The following PHACTR1 variants were observed in gnomAD, a reference collection of about 807,000 sequenced individuals.
The protein encoded by PHACTR1 is phosphatase and actin regulator 1.
PHACTR1 carries 16 observed loss-of-function variants against 69.2 expected under a neutral mutation model. The ratio of observed to expected loss-of-function variants is 0.23; its 90% confidence interval spans 0.16 to 0.35. The LOEUF (loss-of-function observed/expected upper bound fraction) is 0.35, where lower values mean the gene tolerates loss of function less well. PHACTR1 is among the 10% of genes least tolerant of loss of function. PHACTR1 has a pLI of 1.00. For missense variants in PHACTR1, 510 were observed against 734.7 expected (o/e 0.69, Z 3.54); for synonymous variants, 312 against 284.5 (o/e 1.10, Z -0.97).
rs552962311 is a variant in PHACTR1, at chr6:13,053,332, C to T, written c.251-33C>T. ...TCCCATTTTAACACTTTTTTTCTCT[C>T]TTTGTTTTCATCTCTTTCTTGGAAA... On this transcript the variant is annotated intron_variant, in intron 4 of 14. Transcript: ENST00000332995. 45 of 1,564,130 alleles carry T rather than the reference C, an allele frequency of 2.9e-5. No homozygotes were observed. In the East Asian group the frequency reaches 3.7e-4, roughly 13 times the overall value.
chr6:12,998,613 C>CGAA (rs1797709019), intron 4 of PHACTR1, among the ~76,000 whole-genome samples: 1 of 116,530 alleles, frequency 8.6e-6, no homozygotes, highest in African/African-American at 2.9e-5. Context: ...AAGACCTGGT[C>CGAA]AAAAAAAAAA....
intron 4 of PHACTR1, among the ~76,000 whole-genome samples, chr6:12,836,605 A>T (rs1195034794): frequency 6.6e-6 from 1 of 152,186 alleles, no homozygotes; most frequent in African/African-American, 2.4e-5. Context: ...TTAATCAGGG[A>T]AGAAGAGAGA....
intron 4 of PHACTR1, among the ~76,000 whole-genome samples, chr6:12,946,077 C>G (rs1164530854): frequency 6.6e-6 from 1 of 151,462 alleles, no homozygotes; most frequent in African/African-American, 2.4e-5. Context: ...TACCAGATTT[C>G]TTTTCTTCAG....
At chr6:12,880,237 T>C (rs1782952215) in intron 4 of PHACTR1, among the ~76,000 whole-genome samples, 1 of 150,732 alleles carries the variant, frequency 6.6e-6, no homozygotes, top group Non-Finnish European at 1.5e-5. Flanking sequence ...TTTCTTTTTT[T>C]TTTTTTTTTG....
At chr6:12,754,313 G>C (rs1474975780) in intron 4 of PHACTR1, among the ~76,000 whole-genome samples, 1 of 151,944 alleles carries the variant, frequency 6.6e-6, no homozygotes, top group Non-Finnish European at 1.5e-5. Flanking sequence ...ATCTGAGATT[G>C]CTTCACCAAC....
chr6:12,787,606 G>A (rs1184780666), intron 4 of PHACTR1, among the ~76,000 whole-genome samples: 1 of 152,204 alleles, frequency 6.6e-6, no homozygotes, highest in African/African-American at 2.4e-5. Context: ...GGAAAGCTCA[G>A]TGTGGCTCTG....
intron 7 of PHACTR1, among the ~76,000 whole-genome samples, chr6:13,193,098 G>A (rs891794597): frequency 1.3e-5 from 2 of 151,720 alleles, no homozygotes; most frequent in African/African-American, 4.8e-5. Context: ...TTCTCAGGCC[G>A]TACACTAAGA....
intron 5 of PHACTR1, among the ~76,000 whole-genome samples, chr6:13,077,703 CAG>C (rs940880322): frequency 1.3e-5 from 2 of 152,032 alleles, no homozygotes; most frequent in African/African-American, 4.8e-5. Flanking sequence ...CCAACAGGAA[CAG>C]GGGGAGCCTG....
At chr6:12,881,498 G>A (rs919338786) in intron 4 of PHACTR1, among the ~76,000 whole-genome samples, 5 of 152,106 alleles carry the variant, frequency 3.3e-5, no homozygotes, top group Admixed American at 6.5e-5. Context: ...CCACTCCCTG[G>A]AATACTCTTC....
At chr6:12,982,319 T>C (rs1415466044) in intron 4 of PHACTR1, among the ~76,000 whole-genome samples, 3 of 152,228 alleles carry the variant, frequency 2.0e-5, no homozygotes, top group Non-Finnish European at 4.4e-5. Flanking sequence ...CTTAGAACCC[T>C]GTTTAGTCCT....
At chr6:13,076,519 C>T (rs572105687) in intron 5 of PHACTR1, among the ~76,000 whole-genome samples, 1 of 152,270 alleles carries the variant, frequency 6.6e-6, no homozygotes, top group South Asian at 2.1e-4. Flanking sequence ...TTCACACCAA[C>T]ATTTGGTCTT....
chr6:12,736,169 T>C (rs1764230463), intron 3 of PHACTR1, among the ~76,000 whole-genome samples: 2 of 152,330 alleles, frequency 1.3e-5, no homozygotes, highest in South Asian at 4.1e-4. Context: ...TCCAAAAAAC[T>C]TTTTGGTATA....
intron 4 of PHACTR1, among the ~76,000 whole-genome samples, chr6:12,921,970 A>G (rs1455439517): frequency 6.6e-6 from 1 of 152,204 alleles, no homozygotes; most frequent in Non-Finnish European, 1.5e-5. Context: ...CATTCTCCAC[A>G]TCTGCAAATA....
At position 12,834,745 on chromosome 6, in the gene PHACTR1, C is replaced by T. The variant is rs574782643; in HGVS notation, c.250+84955C>T. On this transcript the variant is annotated intron_variant, in intron 4 of 14. Transcript: ENST00000332995. ...ATAAAAACAAAACTCAGAGTGTGTA[C>T]GTCCAAATAAATATTTCTCTCAATA... Among the ~76,000 whole-genome samples the T allele has an allele frequency of 5.3e-5, 8 of 152,228 alleles. No individual in the cohort carries two copies. The South Asian group carries it at 6.2e-4, about 12-fold the overall frequency.
chr6:12,785,535 G>A (rs566120243), intron 4 of PHACTR1, among the ~76,000 whole-genome samples: 1 of 152,212 alleles, frequency 6.6e-6, no homozygotes, highest in Non-Finnish European at 1.5e-5. Context: ...GCTGAAGGGA[G>A]CAGAAAACCA....
chr6:13,011,879 G>A (rs970256260), intron 4 of PHACTR1, among the ~76,000 whole-genome samples: 1 of 152,192 alleles, frequency 6.6e-6, no homozygotes, highest in African/African-American at 2.4e-5. Flanking sequence ...TAAATTCCCT[G>A]GTGCACTCAA....
At chr6:12,837,392 A>G (rs1273409868) in intron 4 of PHACTR1, among the ~76,000 whole-genome samples, 1 of 152,016 alleles carries the variant, frequency 6.6e-6, no homozygotes, top group Admixed American at 6.6e-5. Flanking sequence ...TCAATAATTC[A>G]CTTTATAATT....
At chr6:12,877,430 T>C (rs550366312) in intron 4 of PHACTR1, among the ~76,000 whole-genome samples, 138 of 152,262 alleles carry the variant, frequency 9.1e-4, no homozygotes, top group African/African-American at 3.0e-3. Context: ...GAAAATACTG[T>C]TAAACACTAT....
intron 8 of PHACTR1, among the ~76,000 whole-genome samples, chr6:13,224,775 G>T (rs1769310759): frequency 6.6e-6 from 1 of 152,204 alleles, no homozygotes; most frequent in African/African-American, 2.4e-5. Flanking sequence ...TAGTTTTGTA[G>T]ACTTGAGAGG....
Sources: allele counts gnomAD v4.1 joint callset (sites outside exome capture counted in the v4.1 genomes callset), GRCh38; gene constraint gnomAD v4.1.1; transcripts MANE v1.5; gene names NCBI Gene and HGNC (gene_info 2026-07-23, HGNC 2026-07-21).